The following ARID4B variants were observed in gnomAD, a reference collection of about 807,000 sequenced individuals.
ARID4B encodes the protein AT-rich interaction domain 4B, also known as AT-rich interactive domain-containing protein 4B.
In ARID4B, 26 loss-of-function variants were observed where a neutral mutation model predicts 147.5. The ratio of observed to expected loss-of-function variants is 0.18; its 90% CI spans 0.13 to 0.24. The LOEUF (loss-of-function observed/expected upper bound fraction) is 0.24, where lower values mean the gene tolerates loss of function less well. ARID4B is among the 10% of genes least tolerant of loss of function. ARID4B has a pLI of 1.00. For synonymous variants in ARID4B, 512 were observed against 507.9 expected, an observed-to-expected ratio of 1.01 and a Z score of -0.11; for missense variants, 1,179 against 1,511.5, an observed-to-expected ratio of 0.78 and a Z score of 3.65.
At chr1:235,236,223 TCTAGTTACCAAAAA>T (rs926180982) in intron 8 of ARID4B, among the ~76,000 whole-genome samples, 1 of 152,158 alleles carries the variant, frequency 6.6e-6, no homozygotes, top group African/African-American at 2.4e-5. Flanking sequence ...AATTTTTCAC[TCTAGTTACCAAAAA>T]CTATCCATCA....
chr1:235,194,819 C>CA (rs947851305), intron 18 of ARID4B, among the ~76,000 whole-genome samples: 21 of 151,172 alleles, frequency 1.4e-4, no homozygotes, highest in African/African-American at 3.2e-4. Context: ...AACTCCGTCT[C>CA]AAAAAAACAA....
chr1:235,249,071 G>A (rs764542150), intron 6 of ARID4B, among the ~76,000 whole-genome samples: 3 of 152,054 alleles, frequency 2.0e-5, no homozygotes, highest in Admixed American at 6.5e-5. Flanking sequence ...GGTGGCTCAC[G>A]CCTGTAATCC....
intron 2 of ARID4B, among the ~76,000 whole-genome samples, chr1:235,265,528 G>A (rs974067502): frequency 1.3e-5 from 2 of 151,766 alleles, no homozygotes; most frequent in African/African-American, 4.8e-5. Context: ...GCAAAACCCT[G>A]TTTCTACTAA....
Position 235,196,705 on chromosome 1 carries a change from T to C in ARID4B, c.1842-590A>G, listed in dbSNP as rs558559918. ...CATCTCTACTAAAAATACAAAAAAT[T>C]AGCCAGACGTGGTGGTGGGGGCCTG... On this transcript the variant is annotated intron_variant, in intron 17 of 23. Transcript: ENST00000264183. 1.3e-3 allele frequency among the ~76,000 whole-genome samples: 190 copies of C among 151,970 alleles called. 2 individuals are homozygous for C. Among genetic ancestry groups the C allele is most frequent in the Admixed American group, 7.1e-3 (108 of 15,268 alleles).
intron 2 of ARID4B, among the ~76,000 whole-genome samples, chr1:235,279,085 G>A (rs1048192373): frequency 7.9e-5 from 12 of 151,996 alleles, no homozygotes; most frequent in African/African-American, 2.9e-4. Context: ...GCCAACACCT[G>A]GAAATTTGTT....
chr1:235,181,264 C>A, intron 20 of ARID4B: 1 of 593,208 alleles, frequency 1.7e-6, no homozygotes, highest in South Asian at 3.5e-5. Context: ...ATTTAAGCTG[C>A]TCATGCCATA....
intron 13 of ARID4B, among the ~76,000 whole-genome samples, chr1:235,222,085 T>A (rs186656566): frequency 2.0e-5 from 3 of 151,740 alleles, no homozygotes; most frequent in East Asian, 3.9e-4. Context: ...AATTAAAAAA[T>A]TTTTTTTGTG....
chr1:235,252,611 T>A, intron 6 of ARID4B, 119 bp downstream of exon 6: 1 of 699,872 alleles, frequency 1.4e-6, no homozygotes, highest in Non-Finnish European at 2.4e-6. Flanking sequence ...ATCATAAGGG[T>A]ATTGTGTATT....
chr1:235,292,005 G>A (rs2103213784), intron 2 of ARID4B, among the ~76,000 whole-genome samples: 1 of 152,136 alleles, frequency 6.6e-6, no homozygotes. Context: ...AGGATGAAAG[G>A]GTTTTTACTA....
chr1:235,255,973 A>C (rs868411666), intron 4 of ARID4B, among the ~76,000 whole-genome samples: 19 of 152,130 alleles, frequency 1.2e-4, no homozygotes, highest in Middle Eastern at 6.8e-3. Context: ...CAGGAGTTCG[A>C]GACCAGCCTG....
Position 235,185,712 on chromosome 1 carries a change from G to A in ARID4B, c.2126-2919C>T, listed in dbSNP as rs563043373. 7.2e-5 allele frequency among the ~76,000 whole-genome samples: 11 copies of A among 152,140 alleles called. No homozygotes were observed. The East Asian group carries it at 1.2e-3, about 16-fold the overall frequency. On this transcript the variant is annotated intron_variant, in intron 19 of 23. Coordinates refer to ENST00000264183, the MANE Select transcript of ARID4B (RefSeq NM_016374.6). ...AAACTTCATTGATTGAGAGTTTCAC[G>A]AGGTACAGAATTCTAGGTTAAAAAT...
rs149361159 is a variant in ARID4B at position 235,202,017 on chromosome 1, T to C, written c.1842-5902A>G. Among the ~76,000 whole-genome samples, 918 of 150,492 alleles carry C rather than the reference T, an allele frequency of 6.1e-3. 4 individuals are homozygous for C. The highest frequency in any genetic ancestry group is 0.011 in the Middle Eastern group (3 of 284). On this transcript the variant is annotated intron_variant, in intron 17 of 23. Coordinates refer to ENST00000264183, the MANE Select transcript of ARID4B (RefSeq NM_016374.6). ...TTTATATATATGTGTATATAATATA[T>C]ACATATATATACACAATATATACAT...
intron 2 of ARID4B, among the ~76,000 whole-genome samples, chr1:235,264,429 A>G (rs141068212): frequency 6.6e-6 from 1 of 152,158 alleles, no homozygotes; most frequent in Non-Finnish European, 1.5e-5. Flanking sequence ...ATAAGGTATC[A>G]CTCTATCATT....
At chr1:235,170,255 G>A (rs1326071863) in intron 23 of ARID4B, among the ~76,000 whole-genome samples, 4 of 152,176 alleles carry the variant, frequency 2.6e-5, no homozygotes, top group African/African-American at 9.7e-5. Flanking sequence ...TATTGCCTAT[G>A]GGAGTTTTCA....
intron 2 of ARID4B, among the ~76,000 whole-genome samples, chr1:235,286,323 C>A (rs1432745279): frequency 6.6e-6 from 1 of 152,238 alleles, no homozygotes; most frequent in East Asian, 1.9e-4. Context: ...CATGAGCCAT[C>A]GCACCCAGGC....
At chr1:235,309,544 G>A (rs1269686380) in intron 2 of ARID4B, among the ~76,000 whole-genome samples, 3 of 149,562 alleles carry the variant, frequency 2.0e-5, no homozygotes, top group Non-Finnish European at 3.0e-5. Flanking sequence ...CGTCCGGGAG[G>A]GAGGTGGGGG....
chr1:235,249,367 G>C (rs1669497041), intron 6 of ARID4B, among the ~76,000 whole-genome samples: 1 of 152,012 alleles, frequency 6.6e-6, no homozygotes, highest in Non-Finnish European at 1.5e-5. Context: ...ATCAGATGAT[G>C]AATCTACTTT....
chr1:235,307,753 G>T (rs72758062), intron 2 of ARID4B, among the ~76,000 whole-genome samples: 19,988 of 152,202 alleles, frequency 0.13, 1,532 homozygotes, highest in African/African-American at 0.2. Context: ...TATAACCAGA[G>T]GATTCATTTT....
chr1:235,235,092 A>T (rs1391774726), intron 8 of ARID4B, among the ~76,000 whole-genome samples: 1 of 152,228 alleles, frequency 6.6e-6, no homozygotes, highest in Admixed American at 6.5e-5. Flanking sequence ...TAAAGGAATG[A>T]GAAATATCCA....
Sources: gnomAD v4.1 joint callset for allele counts (sites outside exome capture counted in the v4.1 genomes callset) on GRCh38, gnomAD v4.1.1 for gene constraint, MANE v1.5 for transcripts, NCBI Gene and HGNC (gene_info 2026-07-23, HGNC 2026-07-21) for gene names.